SCN1A: variants seen among roughly 807,000 people sequenced by gnomAD.
The protein encoded by SCN1A is sodium channel protein type 1 subunit alpha.
In SCN1A, 13 loss-of-function variants were observed where a neutral mutation model predicts 193.7. That is an observed-to-expected ratio of 0.07 (90% CI 0.04 to 0.11). SCN1A has a LOEUF of 0.11. SCN1A is among the 10% of genes least tolerant of loss of function. The pLI is 1.00. For missense variants in SCN1A, 1,432 were observed against 2,451.1 expected (o/e 0.58, Z 8.78); for synonymous variants, 781 against 843.6 (o/e 0.93, Z 1.29).
In SCN1A at chr2:166,042,376, G is replaced by A. The variant is rs1697288666; in HGVS notation, c.2092C>T (p.His698Tyr). 1 of 1,613,672 alleles carries A rather than the reference G, an allele frequency of 6.2e-7. No individual in the cohort carries two copies. ...EMRKRRSSSF[H>Y]VSMDFLEDPS... ...TCTTCTAGAAAGTCCATGGAAACGT[G>A]GAAAGAACTTGACCTTCTCTTTCTC... Residue 698 changes from histidine (H) to tyrosine (Y), a missense_variant, in exon 15 of 29, where the codon CAC (histidine) becomes TAC (tyrosine). Coordinates refer to ENST00000674923, the MANE Select transcript of SCN1A (RefSeq NM_001165963.4).
chr2:166,003,736 C>T (rs1020377335), intron 23 of SCN1A, among the ~76,000 whole-genome samples: 1 of 151,588 alleles, frequency 6.6e-6, no homozygotes, highest in Non-Finnish European at 1.5e-5. Context: ...CAAACTTGGA[C>T]ATTAATAGCT....
At chr2:166,148,022 T>C (rs537039338) in intron 1 of SCN1A, among the ~76,000 whole-genome samples, 1 of 152,304 alleles carries the variant, frequency 6.6e-6, no homozygotes, top group African/African-American at 2.4e-5. Flanking sequence ...TAGTTAACTT[T>C]CCATTTTGCT....
At chr2:166,118,446 C>T (rs1022958062) in intron 2 of SCN1A, among the ~76,000 whole-genome samples, 2 of 150,146 alleles carry the variant, frequency 1.3e-5, no homozygotes, top group Non-Finnish European at 3.0e-5. Context: ...TTCATTTGTA[C>T]AAGTTGATTG....
rs1381735033 is a variant in SCN1A, at chr2:166,087,120, G to GT, written c.-141-9320dup. Among the ~76,000 whole-genome samples, 11 of 150,864 alleles carry GT rather than the reference G, an allele frequency of 7.3e-5. No homozygotes were observed. The East Asian group carries it at 2.2e-3, about 30-fold the overall frequency. ...GAATGGTTTTTGCCTCATTCTCACT[G>GT]TAACGAGTGAGTCCTTGCTCTGTTA... On this transcript the variant is annotated intron_variant, in intron 2 of 28. Transcript: ENST00000674923.
chr2:166,070,024 T>C (rs552883956), intron 4 of SCN1A, among the ~76,000 whole-genome samples: 7 of 152,350 alleles, frequency 4.6e-5, no homozygotes, highest in Non-Finnish European at 8.8e-5. Flanking sequence ...GAAATATTCA[T>C]TATTTTTAAA....
intron 19 of SCN1A, among the ~76,000 whole-genome samples, chr2:166,034,286 C>T (rs1465351790): frequency 6.6e-6 from 1 of 152,140 alleles, no homozygotes; most frequent in Non-Finnish European, 1.5e-5. Context: ...TATTAGCCCC[C>T]TACTCCTAAA....
intron 2 of SCN1A, among the ~76,000 whole-genome samples, chr2:166,118,385 T>A (rs2106232626): frequency 6.8e-6 from 1 of 147,070 alleles, no homozygotes; most frequent in African/African-American, 2.5e-5. Context: ...AGATTCTTCT[T>A]GAGTATGCTC....
At chr2:166,006,583 AT>A (rs954460133) in intron 23 of SCN1A, among the ~76,000 whole-genome samples, 2 of 151,318 alleles carry the variant, frequency 1.3e-5, no homozygotes, top group Non-Finnish European at 3.0e-5. Flanking sequence ...AAATAAGTGG[AT>A]TTTTTTATTC....
chr2:166,148,665 C>T (rs1194138472), intron 1 of SCN1A, among the ~76,000 whole-genome samples: 1 of 152,096 alleles, frequency 6.6e-6, no homozygotes, highest in East Asian at 1.9e-4. Context: ...AACTCACTTA[C>T]AAGGGAAGCA....
chr2:166,054,854 T>G, intron 6 of SCN1A, 88 bp from the exon 7 acceptor site: 1 of 1,218,214 alleles, frequency 8.2e-7, no homozygotes, highest in Admixed American at 2.1e-5. Flanking sequence ...GTGGAATAGA[T>G]AAATACTAAA....
At chr2:166,017,075 A>G (rs1034297839) in intron 19 of SCN1A, among the ~76,000 whole-genome samples, 7 of 150,872 alleles carry the variant, frequency 4.6e-5, no homozygotes, top group African/African-American at 1.7e-4. Context: ...ACAGTTACAG[A>G]AAATTAGGAC....
At chr2:166,012,412 C>T (rs1313453696) in intron 21 of SCN1A, 130 bp from the exon 22 acceptor site, 4 of 554,024 alleles carry the variant, frequency 7.2e-6, no homozygotes, top group Non-Finnish European at 1.2e-5. Context: ...GTTACTGTTA[C>T]TTTTTTTTTT....
rs1478635537 is a variant in SCN1A, at chr2:165,998,173, C to T, written c.4341G>A (p.Val1447=). The part of the protein sequence containing the change: ...IMYAAVDSRN[V]ELQPKYEESL... ...TTTCTTCATACTTAGGCTGGAGTTC[C>T]ACCTACCAAAGGGGAATATTTTGTA... The change falls in exon 26 of 29, where the codon GTG becomes GTA. Residue 1447 remains valine (V), a splice_region_variant and synonymous_variant. Transcript: ENST00000674923. 1 of 1,602,682 alleles carries T rather than the reference C, an allele frequency of 6.2e-7. No individual in the cohort carries two copies. The highest frequency in any genetic ancestry group is 1.7e-5 in the Admixed American group (1 of 59,522).
chr2:166,049,316 T>G (rs1698259284), intron 9 of SCN1A, among the ~76,000 whole-genome samples: 1 of 152,022 alleles, frequency 6.6e-6, no homozygotes, highest in African/African-American at 2.4e-5. Flanking sequence ...CGAAAAAAAT[T>G]CATTCAGTAA....
chr2:166,142,521 A>G (rs1461693545), intron 1 of SCN1A, among the ~76,000 whole-genome samples: 1 of 152,202 alleles, frequency 6.6e-6, no homozygotes. Flanking sequence ...TTTTACTAGA[A>G]GCTGTACATT....
intron 18 of SCN1A, 152 bp from the exon 19 acceptor site, chr2:166,036,682 G>T: frequency 1.4e-6 from 1 of 730,472 alleles, no homozygotes; most frequent in Non-Finnish European, 2.2e-6. Context: ...TAGAAGATGG[G>T]TGATCTGAAT....
At chr2:166,039,618 T>A (rs762114362) in intron 16 of SCN1A, 22 bp from the exon 17 acceptor site, 2 of 1,603,040 alleles carry the variant, frequency 1.2e-6, no homozygotes, top group East Asian at 2.2e-5. Context: ...ACAAAATTAA[T>A]CTAATTCCAC....
intron 19 of SCN1A, among the ~76,000 whole-genome samples, chr2:166,035,163 C>T (rs1696160470): frequency 6.6e-6 from 1 of 152,128 alleles, no homozygotes; most frequent in Admixed American, 6.5e-5. Context: ...TAAACAAGGG[C>T]TCTAAGTTCA....
intron 4 of SCN1A, among the ~76,000 whole-genome samples, chr2:166,069,339 G>A (rs1684176803): frequency 6.8e-6 from 1 of 147,102 alleles, no homozygotes; most frequent in Non-Finnish European, 1.5e-5. Flanking sequence ...ATGATGCATA[G>A]ATGCTACTAT....
Sources: allele counts gnomAD v4.1 joint callset (sites outside exome capture counted in the v4.1 genomes callset), GRCh38; gene constraint gnomAD v4.1.1; transcripts MANE v1.5; gene names NCBI Gene and HGNC (gene_info 2026-07-23, HGNC 2026-07-21).